The following MTMR8 variants were observed in gnomAD, a reference collection of about 807,000 sequenced individuals.
MTMR8 encodes the protein phosphatidylinositol-3,5-bisphosphate 3-phosphatase MTMR8.
MTMR8 carries 65 observed loss-of-function variants against 39.3 expected under a neutral mutation model. The ratio of observed to expected loss-of-function variants is 1.65; its 90% CI spans 1.35 to 2.03. The LOEUF (loss-of-function observed/expected upper bound fraction) is 2.03, where lower values mean the gene tolerates loss of function less well. Among genes scored for constraint, MTMR8 ranks in the 30% most tolerant of loss-of-function variants. The probability of loss-of-function intolerance (pLI) is 0.00; values close to 1 mark genes in which losing one functional copy is unlikely to be tolerated. For missense variants in MTMR8, 777 were observed against 538.9 expected (o/e 1.44, Z -4.37); for synonymous variants, 245 against 185.2 (o/e 1.32, Z -2.62).
intron 5 of MTMR8, among the ~76,000 whole-genome samples, chrX:64,349,641 A>G (rs781116489): frequency 4.9e-4 from 55 of 111,974 alleles, no homozygotes; most frequent in Non-Finnish European, 9.8e-4. Flanking sequence ...CCTGTATACA[A>G]CTAATTTTCT....
chrX:64,302,490 G>A (rs1602118758), intron 12 of MTMR8, among the ~76,000 whole-genome samples: 3 of 111,902 alleles, frequency 2.7e-5, no homozygotes, highest in East Asian at 2.9e-4. Flanking sequence ...AGATGAACCC[G>A]GTACCTCAGA....
At chrX:64,381,181 CA>C (rs2147245832) in intron 1 of MTMR8, among the ~76,000 whole-genome samples, 2 of 112,016 alleles carry the variant, frequency 1.8e-5, no homozygotes, top group South Asian at 7.4e-4. Context: ...CTGAATTCCA[CA>C]ATGGTTGAAT....
chrX:64,357,027 G>C (rs1923644055), intron 2 of MTMR8, among the ~76,000 whole-genome samples: 1 of 111,970 alleles, frequency 8.9e-6, no homozygotes, highest in Non-Finnish European at 1.9e-5. Flanking sequence ...AAAGAATGTA[G>C]GATGATTACT....
chrX:64,305,605 C>G lies in MTMR8; in HGVS notation c.1481+23167G>C, dbSNP rs929887399. The G allele has an allele frequency of 5.8e-6, 3 of 520,107 alleles. No individual in the cohort carries two copies. In the Admixed American group the frequency reaches 6.9e-5, roughly 12 times the overall value. 42.9% of individuals were successfully genotyped at this position (520,107 alleles called of 1,213,427 possible). ...ACAGCTTGAGGTGCAGCAGTCTGAA[C>G]CACCCGGCGGCTGAGAAGAGGAACC... On this transcript the variant is annotated intron_variant, in intron 12 of 13. Transcript: ENST00000374852.
At chrX:64,372,761 G>T (rs1285593595) in intron 1 of MTMR8, among the ~76,000 whole-genome samples, 1 of 111,632 alleles carries the variant, frequency 9.0e-6, no homozygotes, top group Non-Finnish European at 1.9e-5. Flanking sequence ...TCCAGTTTGG[G>T]GCTATTATGA....
rs1273591699 is a variant in MTMR8 at position 64,324,654 on chromosome X, C to A, written c.1481+4118G>T. Among the ~76,000 whole-genome samples, 4 of 109,697 alleles carry A rather than the reference C, an allele frequency of 3.6e-5. No individual in the cohort carries two copies. In the East Asian group the frequency reaches 1.2e-3, roughly 32 times the overall value. Reference sequence around the variant, plus strand: ...CAACCATGATTGTGGCATTGCACTGCAGCCTGGGTGACAGAGCAGGACCCT... The same window carrying A: ...CAACCATGATTGTGGCATTGCACTGAAGCCTGGGTGACAGAGCAGGACCCT... On this transcript the variant is annotated intron_variant, in intron 12 of 13. Transcript: ENST00000374852.
chrX:64,335,927 T>C (rs927174829), intron 10 of MTMR8, 152 bp downstream of exon 10: 4 of 373,628 alleles, frequency 1.1e-5, no homozygotes, highest in African/African-American at 1.0e-4. Context: ...TGCCCTAGCA[T>C]AGTATCTAGA....
At chrX:64,288,367 A>G (rs1010725650) in intron 12 of MTMR8, among the ~76,000 whole-genome samples, 2 of 111,445 alleles carry the variant, frequency 1.8e-5, no homozygotes, top group African/African-American at 6.5e-5. Context: ...GTCAGGAAAC[A>G]ACACGTGCTG....
In MTMR8 at chrX:64,274,918, G is replaced by GAGAT. The variant is rs752493863; in HGVS notation, c.1482-3849_1482-3846dup. On this transcript the variant is annotated intron_variant, in intron 12 of 13. Transcript: ENST00000374852. ...AGAGGCTGAGATAGGAGAGAATGGGGAGATGTTGGCCAAAGGGTAGAAAGA... is the reference window on the plus strand; with the variant it reads ...AGAGGCTGAGATAGGAGAGAATGGGGAGATAGATGTTGGCCAAAGGGTAGAAAGA... 6.3e-5 allele frequency among the ~76,000 whole-genome samples: 7 copies of GAGAT among 111,654 alleles called. No homozygotes were observed. In the South Asian group the frequency reaches 1.9e-3, roughly 30 times the overall value.
At chrX:64,312,886 C>A (rs1054584423) in intron 12 of MTMR8, among the ~76,000 whole-genome samples, 15 of 112,580 alleles carry the variant, frequency 1.3e-4, no homozygotes, top group African/African-American at 4.8e-4. Flanking sequence ...GAAACCTTTT[C>A]TTCTGCACAG....
At chrX:64,313,128 C>G (rs576654133) in intron 12 of MTMR8, among the ~76,000 whole-genome samples, 21 of 112,463 alleles carry the variant, frequency 1.9e-4, no homozygotes, top group Non-Finnish European at 3.6e-4. Context: ...TGAAGCCAGA[C>G]ACTGACTTCT....
At chrX:64,275,209 A>G (rs1001369495) in intron 12 of MTMR8, among the ~76,000 whole-genome samples, 3 of 111,158 alleles carry the variant, frequency 2.7e-5, no homozygotes, top group African/African-American at 3.3e-5. Flanking sequence ...GTTAATAAAA[A>G]AGAGAAATTT....
chrX:64,340,499 G>T (rs1240650339), intron 8 of MTMR8, among the ~76,000 whole-genome samples: 1 of 111,218 alleles, frequency 9.0e-6, no homozygotes, highest in Non-Finnish European at 1.9e-5. Flanking sequence ...TTTGTAAGGA[G>T]CAAGGAGAAT....
At chrX:64,342,025 C>G (rs1485507808) in intron 8 of MTMR8, among the ~76,000 whole-genome samples, 1 of 112,002 alleles carries the variant, frequency 8.9e-6, no homozygotes, top group Non-Finnish European at 1.9e-5. Context: ...GCTGGGGCGA[C>G]ATTGTGAAAG....
At chrX:64,302,427 C>T (rs770653988) in intron 12 of MTMR8, among the ~76,000 whole-genome samples, 43 of 112,082 alleles carry the variant, frequency 3.8e-4, no homozygotes, top group African/African-American at 1.2e-3. Flanking sequence ...CTTCGGCTCG[C>T]GGACGGTGCG....
At chrX:64,305,685 C>G (rs1218351162) in intron 12 of MTMR8, 12 of 532,172 alleles carry the variant, frequency 2.3e-5, no homozygotes, top group Non-Finnish European at 4.2e-5. Flanking sequence ...ATTGCCAGCA[C>G]CAGTAAGGTA....
intron 12 of MTMR8, among the ~76,000 whole-genome samples, chrX:64,282,354 C>T (rs1190442487): frequency 9.0e-6 from 1 of 110,992 alleles, no homozygotes; most frequent in African/African-American, 3.3e-5. Context: ...CACACTGAGG[C>T]CTGTCAGAAG....
intron 1 of MTMR8, among the ~76,000 whole-genome samples, chrX:64,382,199 A>C (rs1291956233): frequency 9.0e-6 from 1 of 111,607 alleles, no homozygotes; most frequent in Non-Finnish European, 1.9e-5. Flanking sequence ...TGGGCAGTAT[A>C]GCCATTTTCA....
chrX:64,356,111 C>A, intron 3 of MTMR8, 65 bp downstream of exon 3: 47 of 1,085,791 alleles, frequency 4.3e-5, no homozygotes, highest in Non-Finnish European at 5.7e-5. Context: ...TAGCCCTGAT[C>A]TTTCCATTAT....
Sources: gnomAD v4.1 joint callset for allele counts (sites outside exome capture counted in the v4.1 genomes callset) on GRCh38, gnomAD v4.1.1 for gene constraint, MANE v1.5 for transcripts, NCBI Gene and HGNC (gene_info 2026-07-23, HGNC 2026-07-21) for gene names.